Variants in RFC4 observed in about 807,000 individuals in gnomAD.
The protein encoded by RFC4 is A1 37 kDa subunit.
Under a neutral mutation model 47.6 loss-of-function variants are expected in RFC4, and 38 were observed. The observed-to-expected ratio is 0.80, with a 90% confidence interval of 0.62 to 1.05. The LOEUF (loss-of-function observed/expected upper bound fraction) is 1.05, where lower values mean the gene tolerates loss of function less well. RFC4 is among the 50% of genes least tolerant of loss of function. The pLI, the probability that RFC4 is intolerant of heterozygous loss-of-function variation, is 0.00. For missense variants in RFC4, 489 were observed against 434.0 expected (o/e 1.13, Z -1.13); for synonymous variants, 164 against 150.0 (o/e 1.09, Z -0.68).
Position 186,804,678 on chromosome 3 carries a change from A to G in RFC4, c.36T>C (p.Thr12=). The change falls in exon 2 of 11, where the codon ACT becomes ACC. Residue 12 remains threonine, a synonymous_variant. Coordinates refer to ENST00000296273, the MANE Select transcript of RFC4 (RefSeq NM_002916.5). ...CTCGATCCTTGGTCAGCGGGGGTTT[A>G]GTACTGATGGATGTACCTTTAAGAA... The part of the protein sequence containing the change: ...QAFLKGTSIS[T]KPPLTKDRGV... The G allele has an allele frequency of 6.2e-7, 1 of 1,613,866 alleles. No individual in the cohort carries two copies. The highest frequency in any genetic ancestry group is 8.5e-7 in the Non-Finnish European group (1 of 1,179,900).
In RFC4 at chr3:186,796,079, G is replaced by C. The variant is rs942308737; in HGVS notation, c.291-1302C>G. On this transcript the variant is annotated intron_variant, in intron 4 of 10. Transcript: ENST00000296273. This position sits in a 1 kb window ranked among gnomAD's most constrained non-coding sequence, Gnocchi z 4.2. Reference sequence around the variant, plus strand: ...CATTTAAATAAAAAACAAGAGTTGTGATTTAGTTTCATCTCTATTTTTCCT... The same window carrying C: ...CATTTAAATAAAAAACAAGAGTTGTCATTTAGTTTCATCTCTATTTTTCCT... 6.6e-6 allele frequency among the ~76,000 whole-genome samples: 1 copy of C among 151,674 alleles called. No homozygotes were observed. The highest frequency in any genetic ancestry group is 2.4e-5 in the African/African-American group (1 of 41,262).
Position 186,789,952 on chromosome 3 carries a change from A to C in RFC4, c.*17T>G. On this transcript the variant is annotated 3_prime_UTR_variant, in exon 11 of 11. Transcript: ENST00000296273. ...AACTTCATTATTTACAAAACCCCCCATCCAGATATATTCACGTTAACAATT... is the reference window on the plus strand; with the variant it reads ...AACTTCATTATTTACAAAACCCCCCCTCCAGATATATTCACGTTAACAATT... 6.8e-7 allele frequency: 1 copy of C among 1,481,304 alleles called. No homozygotes were observed. Among genetic ancestry groups the C allele is most frequent in the Non-Finnish European group, 9.4e-7 (1 of 1,062,320 alleles). The allele number at this position is 1,481,304 out of a possible 1,614,324, so 91.8% of individuals were successfully genotyped here. A position where few individuals can be genotyped will look rare whatever the true frequency, so the allele number is the denominator to read the frequency against.
chr3:186,790,670 GTCAGTGGATGAAGAT>G (rs1722091805), intron 8 of RFC4, among the ~76,000 whole-genome samples: 1 of 152,184 alleles, frequency 6.6e-6, no homozygotes, highest in Non-Finnish European at 1.5e-5. Context: ...GCTTGTTCTG[GTCAGTGGATGAAGAT>G]TAAGTTTTCC....
At chr3:186,790,838 C>G (rs1169317610) in intron 8 of RFC4, among the ~76,000 whole-genome samples, 1 of 152,100 alleles carries the variant, frequency 6.6e-6, no homozygotes, top group Non-Finnish European at 1.5e-5. Flanking sequence ...CCACAATATC[C>G]AGAAAATTAA....
intron 10 of RFC4, 26 bp downstream of exon 10, chr3:186,790,116 T>C (rs759433886): frequency 4.1e-5 from 66 of 1,604,328 alleles, no homozygotes; most frequent in Middle Eastern, 3.3e-4. Flanking sequence ...AAATGTTCCA[T>C]TGACATGTGC....
intron 8 of RFC4, 163 bp downstream of exon 8, chr3:186,791,562 T>C: frequency 1.4e-6 from 1 of 698,876 alleles, no homozygotes; most frequent in Non-Finnish European, 2.6e-6. Flanking sequence ...AAGTCAGTGC[T>C]ATCTCCTCAC....
intron 1 of RFC4, chr3:186,805,523 G>C (rs1423450288): frequency 6.6e-6 from 1 of 152,110 alleles, no homozygotes; most frequent in East Asian, 1.9e-4. Context: ...CGCCTGGCCA[G>C]GGACCTATTT....
In RFC4 at chr3:186,797,444, G is replaced by A. The variant is rs552067806; in HGVS notation, c.290+91C>T. 4.7e-5 allele frequency: 42 copies of A among 888,596 alleles called. No homozygotes were observed. The Admixed American group carries it at 5.0e-4, about 11-fold the overall frequency. The allele number at this position is 888,596 out of a possible 1,614,324, so 55.0% of individuals were successfully genotyped here. On this transcript the variant is annotated intron_variant, in intron 4 of 10. Transcript: ENST00000296273. Reference sequence around the variant, plus strand: ...AATAGAAAACTATCCTACAGAAAACGAAACGCAAATTTTTAGAGGAAAAAA... The same window carrying A: ...AATAGAAAACTATCCTACAGAAAACAAAACGCAAATTTTTAGAGGAAAAAA...
rs1220931648 is a variant in RFC4 at position 186,796,046 on chromosome 3, C to CACAT, written c.291-1270_291-1269insATGT. On this transcript the variant is annotated intron_variant, in intron 4 of 10. Coordinates refer to ENST00000296273, the MANE Select transcript of RFC4 (RefSeq NM_002916.5). This position sits in a 1 kb window ranked among gnomAD's most constrained non-coding sequence, Gnocchi z 4.2. ...TCTTTTACACACACACACACACACA[C>CACAT]ACACACACATTTAAATAAAAAACAA... is the stretch of plus-strand genomic sequence containing the variant. 6.6e-6 allele frequency among the ~76,000 whole-genome samples: 1 copy of CACAT among 151,868 alleles called. No homozygotes were observed. Among genetic ancestry groups the CACAT allele is most frequent in the Non-Finnish European group, 1.5e-5 (1 of 67,968 alleles).
chr3:186,791,424 T>A, intron 8 of RFC4: 1 of 331,986 alleles, frequency 3.0e-6, no homozygotes, highest in South Asian at 2.7e-5. Flanking sequence ...GAGTCGGTAT[T>A]GCGTCACTGC....
chr3:186,790,455 A>C, intron 8 of RFC4, 49 bp from the exon 9 acceptor site: 1 of 1,334,774 alleles, frequency 7.5e-7, no homozygotes, highest in Middle Eastern at 1.8e-4. Context: ...GTGAGACTAG[A>C]CATACACTCT....
chr3:186,794,566 A>G, intron 5 of RFC4, 92 bp downstream of exon 5: 1 of 1,287,750 alleles, frequency 7.8e-7, no homozygotes, highest in East Asian at 2.3e-5. Context: ...GCAGAAATAC[A>G]CTTGATCTTA....
At chr3:186,804,364 T>A (rs984066265) in intron 2 of RFC4, among the ~76,000 whole-genome samples, 2 of 152,070 alleles carry the variant, frequency 1.3e-5, no homozygotes, top group Admixed American at 6.6e-5. Context: ...CTTGTAGAGA[T>A]CTCAGTTTAT....
chr3:186,804,549 T>C, intron 2 of RFC4, 34 bp downstream of exon 2: 1 of 1,607,464 alleles, frequency 6.2e-7, no homozygotes, highest in Non-Finnish European at 8.5e-7. Context: ...AGATAATTTA[T>C]GAATTATTTT....
chr3:186,798,270 C>T (rs1038285991), intron 3 of RFC4, among the ~76,000 whole-genome samples: 4 of 152,112 alleles, frequency 2.6e-5, no homozygotes, highest in South Asian at 2.1e-4. Flanking sequence ...TTCTTTTATA[C>T]CTTGTATCTA....
At chr3:186,800,404 G>T (rs1722327891) in intron 3 of RFC4, among the ~76,000 whole-genome samples, 1 of 152,266 alleles carries the variant, frequency 6.6e-6, no homozygotes, top group Non-Finnish European at 1.5e-5. Context: ...AAACCCAAAA[G>T]AACTTCTAAT....
rs1722164502 is a variant in RFC4, at chr3:186,792,587, C to CT, written c.577dup (p.Arg193LysfsTer13). 7 of 1,613,986 alleles carry CT rather than the reference C, an allele frequency of 4.3e-6. No homozygotes were observed. Among genetic ancestry groups the CT allele is most frequent in the Non-Finnish European group, 5.9e-6 (7 of 1,179,948 alleles). Reference sequence around the variant, plus strand: ...AGGCTTGAAGCGGAATTTTGAACATCTAGAGGTCAGGGGTTCAATTATTCT... The same window carrying CT: ...AGGCTTGAAGCGGAATTTTGAACATCTTAGAGGTCAGGGGTTCAATTATTCT... On this transcript the variant is annotated frameshift_variant, in exon 7 of 11. Coordinates refer to ENST00000296273, the MANE Select transcript of RFC4 (RefSeq NM_002916.5). LOFTEE classifies it high-confidence loss of function.
rs894305078 is a variant in RFC4 at position 186,793,355 on chromosome 3, A to T, written c.411-408T>A. 6.6e-6 allele frequency among the ~76,000 whole-genome samples: 1 copy of T among 152,214 alleles called. No homozygotes were observed. Among genetic ancestry groups the T allele is most frequent in the African/African-American group, 2.4e-5 (1 of 41,460 alleles). On this transcript the variant is annotated intron_variant, in intron 5 of 10. Coordinates refer to ENST00000296273, the MANE Select transcript of RFC4 (RefSeq NM_002916.5). The surrounding 1 kb of genome is among the most constrained non-coding windows in gnomAD (Gnocchi z 4.2). Reference sequence around the variant, plus strand: ...GTTTGCGTCATTCCTTTGTATTGTCAAATACTATGGCAAATAGATACACCA... The same window carrying T: ...GTTTGCGTCATTCCTTTGTATTGTCTAATACTATGGCAAATAGATACACCA...
rs201838412 is a variant in RFC4 at position 186,797,612 on chromosome 3, A to C, written c.213T>G (p.Leu71=). The C allele has an allele frequency of 2.5e-6, 4 of 1,593,392 alleles. No individual in the cohort carries two copies. Among genetic ancestry groups the C allele is most frequent in the Non-Finnish European group, 3.4e-6 (4 of 1,166,974 alleles). Residue 71 remains leucine, a splice_region_variant and synonymous_variant, in exon 4 of 11, where the codon CTT becomes CTG. Transcript: ENST00000296273. ...GTGGTCCGTAAAACAAGAGATTAGG[A>C]AGCTGTAGAAATTAAATTTTATTTT... is the stretch of plus-strand genomic sequence containing the variant. The part of the protein sequence containing the change: ...VLKKSLEGAD[L]PNLLFYGPPG...
Sources: gnomAD v4.1 joint callset for allele counts (sites outside exome capture counted in the v4.1 genomes callset) on GRCh38, gnomAD v4.1.1 for gene constraint, Gnocchi (gnomAD v3.1) non-coding constraint, MANE v1.5 for transcripts, NCBI Gene and HGNC (gene_info 2026-07-23, HGNC 2026-07-21) for gene names.